The following RP1 variants were observed in gnomAD, a reference collection of about 807,000 sequenced individuals.
RP1 encodes oxygen-regulated protein 1.
In RP1, 16 loss-of-function variants were observed where a neutral mutation model predicts 14.8. The ratio of observed to expected loss-of-function variants is 1.08; its 90% CI spans 0.73 to 1.65. The LOEUF is 1.65. Among genes scored for constraint, RP1 ranks in the 40% most tolerant of loss-of-function variants. The pLI, the probability that RP1 is intolerant of heterozygous loss-of-function variation, is 0.00. For synonymous variants in RP1, 876 were observed against 883.6 expected, an observed-to-expected ratio of 0.99 and a Z score of 0.15; for missense variants, 2,631 against 2,535.0, an observed-to-expected ratio of 1.04 and a Z score of -0.81.
chr8:54,634,087 A>G (rs544834957), downstream of RP1, among the ~76,000 whole-genome samples: 25 of 152,292 alleles, frequency 1.6e-4, no homozygotes, highest in Admixed American at 1.4e-3. Context: ...TATTGAGGTT[A>G]AGAAGGATTC....
Position 54,626,194 on chromosome 8 carries a change from A to G in RP1, c.2312A>G (p.Gln771Arg). ...KLNTTQNSKV[Q>R]GLLTKRKSRS... ...AATACTACTCAAAATTCCAAGGTTC[A>G]AGGACTTTTAACCAAAAGAAAATCT... The change falls in exon 4 of 4, where the codon CAA becomes CGA. Residue 771 changes from glutamine (Q) to arginine (R), a missense_variant. Coordinates refer to ENST00000220676, the MANE Select transcript of RP1 (RefSeq NM_006269.2). The G allele has an allele frequency of 6.2e-7, 1 of 1,610,694 alleles. No individual in the cohort carries two copies. Among genetic ancestry groups the G allele is most frequent in the Non-Finnish European group, 8.5e-7 (1 of 1,178,528 alleles).
intron 6 of RP1, among the ~76,000 whole-genome samples, chr8:54,661,324 A>G (rs1806893347): frequency 6.7e-6 from 1 of 148,530 alleles, no homozygotes; most frequent in Non-Finnish European, 1.5e-5. Flanking sequence ...TATATATATG[A>G]GAAAATTAGC....
At position 54,625,509 on chromosome 8, in the gene RP1, A is replaced by G. The variant is rs1806012958; in HGVS notation, c.1627A>G (p.Ser543Gly). The G allele has an allele frequency of 2.5e-6, 4 of 1,614,072 alleles. No individual in the cohort carries two copies. The highest frequency in any genetic ancestry group is 3.4e-6 in the Non-Finnish European group (4 of 1,180,022). Residue 543 changes from serine (S) to glycine (G), a missense_variant, in exon 4 of 4, where the codon AGT becomes GGT. Transcript: ENST00000220676. ...RKKENSLLKSSAISAGVIEIT... is the reference protein window; with the variant it reads ...RKKENSLLKSGAISAGVIEIT... The stretch of plus-strand genomic sequence containing the variant: ...AAAGGAAAACAGTCTGCTTAAGTCA[A>G]GTGCAATAAGTGCTGGTGTTATAGA...
intron 1 of RP1, among the ~76,000 whole-genome samples, chr8:54,606,831 C>A (rs1315246283): frequency 6.6e-6 from 1 of 152,152 alleles, no homozygotes; most frequent in East Asian, 1.9e-4. Flanking sequence ...TCCAGTTGAT[C>A]GAATCGGCTA....
intron 24 of RP1, chr8:54,837,385 G>T: frequency 1.6e-6 from 1 of 642,746 alleles, no homozygotes; most frequent in Non-Finnish European, 2.2e-6. Context: ...AGTTCAAAAT[G>T]GAATATGAAT....
At chr8:54,789,521 G>C (rs1479828255) in intron 24 of RP1, among the ~76,000 whole-genome samples, 1 of 152,050 alleles carries the variant, frequency 6.6e-6, no homozygotes, top group East Asian at 1.9e-4. Context: ...CAACTATGGG[G>C]CAAACCTGTG....
chr8:54,596,775 ATTCATTTAAAGG>A (rs1805158285), intron 1 of RP1, among the ~76,000 whole-genome samples: 1 of 152,338 alleles, frequency 6.6e-6, no homozygotes, highest in South Asian at 2.1e-4. Context: ...ACGATACATT[ATTCATTTAAAGG>A]ATTAAATAAA....
chr8:54,867,451 GT>G (rs919709822), intron 28 of RP1, among the ~76,000 whole-genome samples: 2 of 152,114 alleles, frequency 1.3e-5, no homozygotes, highest in African/African-American at 4.8e-5. Flanking sequence ...AAAGATTGAA[GT>G]TTTTTAGCAC....
At chr8:54,688,340 G>A (rs1807619191) in intron 12 of RP1, among the ~76,000 whole-genome samples, 1 of 152,076 alleles carries the variant, frequency 6.6e-6, no homozygotes, top group Admixed American at 6.6e-5. Context: ...GTCTATTTTG[G>A]CTTTTGTTGC....
At chr8:54,649,193 C>T (rs1313695083) in intron 4 of RP1, 3 of 1,358,114 alleles carry the variant, frequency 2.2e-6, no homozygotes, top group Non-Finnish European at 2.9e-6. Flanking sequence ...AAGTGATACA[C>T]CTAGTAGGTA....
At chr8:54,687,156 C>A (rs1480962498) in intron 12 of RP1, among the ~76,000 whole-genome samples, 1 of 151,916 alleles carries the variant, frequency 6.6e-6, no homozygotes, top group Non-Finnish European at 1.5e-5. Flanking sequence ...AAGTAAAAGT[C>A]TAAAAAGCAG....
At chr8:54,722,334 T>A (rs1248134646) in intron 16 of RP1, among the ~76,000 whole-genome samples, 1 of 151,268 alleles carries the variant, frequency 6.6e-6, no homozygotes, top group Non-Finnish European at 1.5e-5. Context: ...GCAGTGGCGC[T>A]ATCTCGGCTC....
chr8:54,698,164 GAATCTAC>G (rs1213849378), intron 12 of RP1, among the ~76,000 whole-genome samples: 1 of 152,094 alleles, frequency 6.6e-6, no homozygotes, highest in African/African-American at 2.4e-5. Flanking sequence ...CTAATATCCA[GAATCTAC>G]AAAGAACTTA....
chr8:54,687,082 AT>A (rs1244635614), intron 12 of RP1, among the ~76,000 whole-genome samples: 3 of 152,048 alleles, frequency 2.0e-5, no homozygotes, highest in African/African-American at 7.2e-5. Context: ...AGATAATTGC[AT>A]TTTTCTTTTT....
At chr8:54,767,080 C>A (rs190416495) in intron 22 of RP1, among the ~76,000 whole-genome samples, 68 of 152,304 alleles carry the variant, frequency 4.5e-4, no homozygotes, top group Non-Finnish European at 4.6e-4. Flanking sequence ...TGTTTGTTGA[C>A]TGGCAGTCAC....
chr8:54,790,727 C>T (rs930068059), intron 24 of RP1, among the ~76,000 whole-genome samples: 6 of 152,140 alleles, frequency 3.9e-5, no homozygotes, highest in Admixed American at 1.3e-4. Flanking sequence ...AGAGCTTCAA[C>T]ATTTGACTCA....
exon 22 of RP1, chr8:54,758,953 T>C (rs756508421): frequency 1.6e-5 from 24 of 1,535,746 alleles, no homozygotes; most frequent in South Asian, 1.5e-4. Flanking sequence ...GCAGTGTCGC[T>C]TGGAAAACTG....
intron 7 of RP1, among the ~76,000 whole-genome samples, chr8:54,668,218 C>T (rs1171943364): frequency 6.6e-6 from 1 of 151,858 alleles, no homozygotes; most frequent in African/African-American, 2.4e-5. Context: ...ACAAGCATTC[C>T]TATACACCAA....
chr8:54,693,597 A>G (rs746704635), intron 12 of RP1, among the ~76,000 whole-genome samples: 3 of 152,066 alleles, frequency 2.0e-5, no homozygotes, highest in Non-Finnish European at 4.4e-5. Flanking sequence ...ATGGGAGTTC[A>G]CTCATGATTT....
Sources: gnomAD v4.1 joint callset for allele counts (sites outside exome capture counted in the v4.1 genomes callset) on GRCh38, gnomAD v4.1.1 for gene constraint, MANE v1.5 for transcripts, NCBI Gene and HGNC (gene_info 2026-07-23, HGNC 2026-07-21) for gene names.